DISC1: variants seen among roughly 807,000 people sequenced by gnomAD.
DISC1 encodes the protein DISC1 scaffold protein.
A neutral mutation model predicts 84.5 loss-of-function variants in DISC1; 57 were observed. The observed-to-expected ratio is 0.67, with a 90% CI of 0.55 to 0.84. The LOEUF (loss-of-function observed/expected upper bound fraction) is 0.84, where lower values mean the gene tolerates loss of function less well. Among genes scored for constraint, DISC1 ranks in the 40% least tolerant of loss-of-function variants. DISC1 has a pLI of 0.00. For missense variants in DISC1, 1,000 were observed against 1,057.8 expected (o/e 0.95, Z 0.76); for synonymous variants, 411 against 415.2 (o/e 0.99, Z 0.12).
At chr1:231,934,551 T>C (rs1227607910) in intron 9 of DISC1, among the ~76,000 whole-genome samples, 1 of 152,264 alleles carries the variant, frequency 6.6e-6, no homozygotes, top group Non-Finnish European at 1.5e-5. Flanking sequence ...ATGCAACTTA[T>C]GGAAGTGAAA....
At chr1:231,988,589 G>A (rs950534200) in intron 10 of DISC1, among the ~76,000 whole-genome samples, 21 of 152,210 alleles carry the variant, frequency 1.4e-4, no homozygotes, top group Non-Finnish European at 2.5e-4. Context: ...GATACAGCAA[G>A]AAGGCACCAC....
intron 1 of DISC1, among the ~76,000 whole-genome samples, chr1:231,663,443 A>T (rs1227140146): frequency 6.6e-6 from 1 of 152,166 alleles, no homozygotes; most frequent in Non-Finnish European, 1.5e-5. Context: ...GACATCCTGG[A>T]CATCTGCAGT....
At chr1:231,781,442 G>A (rs549014984) in intron 6 of DISC1, among the ~76,000 whole-genome samples, 1 of 152,088 alleles carries the variant, frequency 6.6e-6, no homozygotes, top group South Asian at 2.1e-4. Flanking sequence ...TATAATTTAG[G>A]CATTAGATTA....
At position 231,786,848 on chromosome 1, in the gene DISC1, G is replaced by A. The variant is rs1466278875; in HGVS notation, c.1635-8394G>A. ...CACTGCACTGCGTCCACCCTTGGGAGCAGTGCTCTGAGAAGAGGCCCTGGC... is the reference window on the plus strand; with the variant it reads ...CACTGCACTGCGTCCACCCTTGGGAACAGTGCTCTGAGAAGAGGCCCTGGC... On this transcript the variant is annotated intron_variant, in intron 6 of 12. Transcript: ENST00000439617. Among the ~76,000 whole-genome samples the A allele has an allele frequency of 2.0e-5, 3 of 152,142 alleles. No individual in the cohort carries two copies. The East Asian group carries it at 5.8e-4, about 29-fold the overall frequency.
chr1:231,673,999 G>A (rs556831238), intron 1 of DISC1, among the ~76,000 whole-genome samples: 1 of 152,282 alleles, frequency 6.6e-6, no homozygotes, highest in East Asian at 1.9e-4. Context: ...TAGGACTGAG[G>A]CCAGACTTCC....
chr1:231,731,679 A>G (rs2071534821), intron 3 of DISC1, among the ~76,000 whole-genome samples: 2 of 152,216 alleles, frequency 1.3e-5, no homozygotes, highest in Non-Finnish European at 2.9e-5. Flanking sequence ...AAAAGTTTCC[A>G]AATTAACTGA....
intron 9 of DISC1, among the ~76,000 whole-genome samples, chr1:231,912,603 C>T (rs1358416854): frequency 6.6e-6 from 1 of 152,154 alleles, no homozygotes; most frequent in East Asian, 1.9e-4. Context: ...TGGGAGGTGC[C>T]TCCCAGTTAG....
At chr1:231,640,862 G>T (rs2059587157) in intron 1 of DISC1, among the ~76,000 whole-genome samples, 1 of 152,128 alleles carries the variant, frequency 6.6e-6, no homozygotes, top group East Asian at 1.9e-4. Context: ...TCCTTGGTCT[G>T]ACCCCTGGAT....
chr1:231,849,540 G>A (rs1297104928), intron 9 of DISC1, among the ~76,000 whole-genome samples: 2 of 152,138 alleles, frequency 1.3e-5, no homozygotes. Context: ...GGTGGTGTGT[G>A]TGTGTGGTGT....
At chr1:231,810,229 C>T (rs2080165114) in intron 8 of DISC1, among the ~76,000 whole-genome samples, 2 of 152,140 alleles carry the variant, frequency 1.3e-5, no homozygotes. Context: ...GTGCTCAAGG[C>T]CAGACCTACA....
chr1:231,641,054 C>T (rs144144760), intron 1 of DISC1, among the ~76,000 whole-genome samples: 1 of 152,238 alleles, frequency 6.6e-6, no homozygotes, highest in African/African-American at 2.4e-5. Flanking sequence ...CAACTGCTTT[C>T]ACTGATAGGC....
Position 231,818,308 on chromosome 1 carries a change from C to T in DISC1, c.1793-21C>T, listed in dbSNP as rs377118697. On this transcript the variant is annotated intron_variant, in intron 8 of 12. Coordinates refer to ENST00000439617, the MANE Select transcript of DISC1 (RefSeq NM_018662.3). ...GCTGTAAAGCTTGTTTTCCCTTCTT[C>T]TCTCCCACAACGTGCTGTAGGAAAC... 9 of 1,612,248 alleles carry T rather than the reference C, an allele frequency of 5.6e-6. No homozygotes were observed. In the African/African-American group the frequency reaches 8.0e-5, roughly 14 times the overall value.
chr1:231,786,666 A>C (rs893239424), intron 6 of DISC1, among the ~76,000 whole-genome samples: 1 of 152,244 alleles, frequency 6.6e-6, no homozygotes, highest in Non-Finnish European at 1.5e-5. Flanking sequence ...TCCCAGAGTA[A>C]GGGGTCAAAT....
chr1:231,686,222 C>T lies in DISC1; in HGVS notation c.68-7604C>T, dbSNP rs751204913. Among the ~76,000 whole-genome samples, 187 of 152,198 alleles carry T rather than the reference C, an allele frequency of 1.2e-3. 2 individuals are homozygous for T. Among genetic ancestry groups the T allele is most frequent in the Non-Finnish European group, 2.2e-4 (15 of 68,030 alleles). ...GCCCTCTTCTCACAGCTCCACTAGG[C>T]GGTACCCCAGTAGGGACTCTGTGGG... is the stretch of plus-strand genomic sequence containing the variant. On this transcript the variant is annotated intron_variant, in intron 1 of 12. Transcript: ENST00000439617.
At chr1:231,850,719 A>G (rs1453315485) in intron 9 of DISC1, among the ~76,000 whole-genome samples, 6 of 152,270 alleles carry the variant, frequency 3.9e-5, no homozygotes, top group African/African-American at 9.6e-5. Flanking sequence ...GCAGCAAAAT[A>G]ATATTCTATC....
intron 9 of DISC1, among the ~76,000 whole-genome samples, chr1:231,907,468 C>T (rs1348062780): frequency 2.6e-5 from 4 of 152,088 alleles, no homozygotes; most frequent in Admixed American, 1.3e-4. Context: ...TTTCCAGCTT[C>T]ATCCATTTCC....
At chr1:231,883,533 G>A (rs1468285399) in intron 9 of DISC1, among the ~76,000 whole-genome samples, 1 of 152,156 alleles carries the variant, frequency 6.6e-6, no homozygotes, top group African/African-American at 2.4e-5. Flanking sequence ...TGAGGAGTCT[G>A]TGTGCCAAGC....
chr1:231,718,638 G>T (rs2069137150), intron 3 of DISC1, among the ~76,000 whole-genome samples: 1 of 152,090 alleles, frequency 6.6e-6, no homozygotes, highest in South Asian at 2.1e-4. Context: ...GTTTCTCCAT[G>T]TTGGCCAGGC....
chr1:231,867,167 A>C lies in DISC1; in HGVS notation c.1981+48650A>C, dbSNP rs547658941. 3.3e-5 allele frequency among the ~76,000 whole-genome samples: 5 copies of C among 152,254 alleles called. No individual in the cohort carries two copies. In the East Asian group the frequency reaches 9.7e-4, roughly 29 times the overall value. On this transcript the variant is annotated intron_variant, in intron 9 of 12. Coordinates refer to ENST00000439617, the MANE Select transcript of DISC1 (RefSeq NM_018662.3). ...TTCTCCAGATGGCTGTCTTCTTAGCAGTAGATGGAATTAAGCACCATAATG... is the reference window on the plus strand; with the variant it reads ...TTCTCCAGATGGCTGTCTTCTTAGCCGTAGATGGAATTAAGCACCATAATG...
Sources: allele counts gnomAD v4.1 joint callset (sites outside exome capture counted in the v4.1 genomes callset), GRCh38; gene constraint gnomAD v4.1.1; transcripts MANE v1.5; gene names NCBI Gene and HGNC (gene_info 2026-07-23, HGNC 2026-07-21).